SNTB1: variants seen among roughly 807,000 people sequenced by gnomAD.
SNTB1 encodes the protein beta-1-syntrophin.
SNTB1 carries 36 observed loss-of-function variants against 48.9 expected under a neutral mutation model. That is an observed-to-expected ratio of 0.74 (90% CI 0.56 to 0.97). The LOEUF (loss-of-function observed/expected upper bound fraction) is 0.97. Among genes scored for constraint, SNTB1 ranks in the 50% least tolerant of loss-of-function variants. The probability of loss-of-function intolerance (pLI) is 0.00; values close to 1 mark genes in which losing one functional copy is unlikely to be tolerated. For missense variants in SNTB1, 786 were observed against 703.4 expected, an observed-to-expected ratio of 1.12 and a Z score of -1.33; for synonymous variants, 299 against 294.6, an observed-to-expected ratio of 1.01 and a Z score of -0.15.
At chr8:120,702,467 C>G (rs552676389) in intron 1 of SNTB1, among the ~76,000 whole-genome samples, 1 of 152,180 alleles carries the variant, frequency 6.6e-6, no homozygotes, top group East Asian at 1.9e-4. Flanking sequence ...GTTTCCTCCA[C>G]GTGGAAACCT....
chr8:120,765,001 G>A (rs7459876), intron 1 of SNTB1, among the ~76,000 whole-genome samples: 3,511 of 152,144 alleles, frequency 0.023, 133 homozygotes, highest in African/African-American at 0.08. Context: ...CGAGGTGGGC[G>A]GATCACCTGA....
chr8:120,624,604 C>T (rs1424208144), intron 3 of SNTB1, among the ~76,000 whole-genome samples: 1 of 152,168 alleles, frequency 6.6e-6, no homozygotes, highest in Non-Finnish European at 1.5e-5. Flanking sequence ...CATTCCACGC[C>T]TTCCCCCAAA....
In SNTB1 at chr8:120,795,223, A is replaced by G. The variant is rs566416343; in HGVS notation, c.571+16050T>C. On this transcript the variant is annotated intron_variant, in intron 1 of 6. Transcript: ENST00000517992. ...TCAGTTGCATAGGTATCAGATTTTG[A>G]CTCTTTTAGCAAGTGGAGAAGTTAA... Among the ~76,000 whole-genome samples the G allele has an allele frequency of 9.9e-5, 15 of 151,284 alleles. No homozygotes were observed. The South Asian group carries it at 2.1e-3, about 21-fold the overall frequency.
chr8:120,688,362 G>A (rs563920000), intron 2 of SNTB1, among the ~76,000 whole-genome samples: 1 of 152,218 alleles, frequency 6.6e-6, no homozygotes, highest in Admixed American at 6.5e-5. Context: ...AGACTATTTA[G>A]TGGAATATTT....
intron 4 of SNTB1, among the ~76,000 whole-genome samples, chr8:120,550,082 G>A (rs1367781504): frequency 1.3e-5 from 2 of 152,264 alleles, no homozygotes; most frequent in African/African-American, 4.8e-5. Flanking sequence ...ATTATCAGTA[G>A]AATAAAGCAT....
intron 6 of SNTB1, 57 bp downstream of exon 6, chr8:120,541,753 T>A (rs1045215741): frequency 1.8e-5 from 23 of 1,259,058 alleles, no homozygotes; most frequent in Non-Finnish European, 2.4e-5. Context: ...CAGCATTATG[T>A]TGCATAATGA....
intron 1 of SNTB1, among the ~76,000 whole-genome samples, chr8:120,779,610 A>G (rs1017443001): frequency 2.6e-5 from 4 of 152,220 alleles, no homozygotes; most frequent in Non-Finnish European, 5.9e-5. Flanking sequence ...TAGAAACAGG[A>G]TAAGATCTGA....
intron 1 of SNTB1, among the ~76,000 whole-genome samples, chr8:120,746,126 C>T (rs1199851239): frequency 6.6e-6 from 1 of 152,168 alleles, no homozygotes; most frequent in Non-Finnish European, 1.5e-5. Flanking sequence ...TTCACTTATA[C>T]TTGGACTTTC....
chr8:120,548,771 T>C lies in SNTB1; in HGVS notation c.1324A>G (p.Ile442Val). Residue 442 changes from isoleucine to valine, a missense_variant, in exon 5 of 7, where the codon ATC becomes GTC. Transcript: ENST00000517992. ...CHNSAELIAE[I>V]STACTYKNQE... ...TCACTGCAGTACTCACCAGTGCTGATTTCAGCAATGAGTTCAGCAGAATTG... is the reference window on the plus strand; with the variant it reads ...TCACTGCAGTACTCACCAGTGCTGACTTCAGCAATGAGTTCAGCAGAATTG... The C allele has an allele frequency of 6.2e-7, 1 of 1,613,540 alleles. No homozygotes were observed. Among genetic ancestry groups the C allele is most frequent in the East Asian group, 2.2e-5 (1 of 44,876 alleles).
At chr8:120,747,832 A>G (rs11988440) in intron 1 of SNTB1, among the ~76,000 whole-genome samples, 19,750 of 152,198 alleles carry the variant, frequency 0.13, 1,659 homozygotes, top group African/African-American at 0.23. Flanking sequence ...ATAAATTTCA[A>G]ATTAAAATAT....
chr8:120,811,969 G>C lies in SNTB1; in HGVS notation c.-126C>G. Reference sequence around the variant, plus strand: ...GCGTCCCGCGGGGAGGTGGCGGCACGCGGGACTCCGCTCCGGGAGTTCGCA... The same window carrying C: ...GCGTCCCGCGGGGAGGTGGCGGCACCCGGGACTCCGCTCCGGGAGTTCGCA... On this transcript the variant is annotated 5_prime_UTR_variant, in exon 1 of 7. Transcript: ENST00000517992. 1 of 1,274,276 alleles carries C rather than the reference G, an allele frequency of 7.8e-7. No homozygotes were observed. The highest frequency in any genetic ancestry group is 9.8e-7 in the Non-Finnish European group (1 of 1,015,580). 78.9% of individuals were successfully genotyped at this position (1,274,276 alleles called of 1,614,324 possible). A position where few individuals can be genotyped will look rare whatever the true frequency, so the allele number is the denominator to read the frequency against.
At chr8:120,553,130 T>C (rs1417586604) in intron 4 of SNTB1, among the ~76,000 whole-genome samples, 3 of 152,344 alleles carry the variant, frequency 2.0e-5, no homozygotes, top group South Asian at 2.1e-4. Context: ...TACAGGTCCA[T>C]GGCCTGGGTC....
At chr8:120,784,195 T>C (rs1176106517) in intron 1 of SNTB1, among the ~76,000 whole-genome samples, 2 of 152,112 alleles carry the variant, frequency 1.3e-5, no homozygotes, top group Admixed American at 6.6e-5. Flanking sequence ...GGTTTCACCA[T>C]GTTGGCCAGG....
chr8:120,644,975 C>G (rs1390037560), intron 2 of SNTB1, among the ~76,000 whole-genome samples: 1 of 151,708 alleles, frequency 6.6e-6, no homozygotes, highest in African/African-American at 2.4e-5. Context: ...TGAGAAGTGT[C>G]TGTTCATGTC....
chr8:120,719,304 G>C (rs1221279791), intron 1 of SNTB1, among the ~76,000 whole-genome samples: 2 of 152,148 alleles, frequency 1.3e-5, no homozygotes, highest in South Asian at 4.1e-4. Flanking sequence ...TAGCCTCCCA[G>C]CTTACATCTA....
chr8:120,542,034 A>G, intron 5 of SNTB1, 34 bp from the exon 6 acceptor site: 3 of 1,572,054 alleles, frequency 1.9e-6, no homozygotes, highest in Non-Finnish European at 2.6e-6. Context: ...AGAGACAAGT[A>G]TGAACCATGG....
At chr8:120,673,504 T>A (rs1335328190) in intron 2 of SNTB1, among the ~76,000 whole-genome samples, 1 of 152,084 alleles carries the variant, frequency 6.6e-6, no homozygotes, top group Non-Finnish European at 1.5e-5. Context: ...TTGGCCAGGC[T>A]GGTCTCAAGC....
At chr8:120,555,059 C>T (rs896963851) in intron 4 of SNTB1, among the ~76,000 whole-genome samples, 1 of 152,156 alleles carries the variant, frequency 6.6e-6, no homozygotes, top group African/African-American at 2.4e-5. Context: ...CTGTTATGGA[C>T]TGAATTGTGT....
At chr8:120,775,119 G>T (rs1354098083) in intron 1 of SNTB1, among the ~76,000 whole-genome samples, 1 of 152,160 alleles carries the variant, frequency 6.6e-6, no homozygotes, top group Non-Finnish European at 1.5e-5. Flanking sequence ...CAAAGAAGAG[G>T]AATAAGAACA....
Sources: allele counts gnomAD v4.1 joint callset (sites outside exome capture counted in the v4.1 genomes callset), GRCh38; gene constraint gnomAD v4.1.1; transcripts MANE v1.5; gene names NCBI Gene and HGNC (gene_info 2026-07-23, HGNC 2026-07-21).